The following SLC25A15 variants were observed in gnomAD, a reference collection of about 807,000 sequenced individuals.
SLC25A15 encodes the protein mitochondrial ornithine transporter 1.
Under a neutral mutation model 32.3 loss-of-function variants are expected in SLC25A15, and 24 were observed. The ratio of observed to expected loss-of-function variants is 0.74; its 90% confidence interval spans 0.54 to 1.04. The LOEUF (loss-of-function observed/expected upper bound fraction) is 1.04. Among genes scored for constraint, SLC25A15 ranks in the 50% least tolerant of loss-of-function variants. SLC25A15 has a pLI of 0.00. For synonymous variants in SLC25A15, 132 were observed against 142.1 expected (o/e 0.93, Z 0.51); for missense variants, 317 against 374.5 (o/e 0.85, Z 1.27).
At chr13:40,795,356 C>T (rs1247962513) in intron 2 of SLC25A15, among the ~76,000 whole-genome samples, 4 of 152,146 alleles carry the variant, frequency 2.6e-5, no homozygotes, top group Non-Finnish European at 5.9e-5. Context: ...TAAAAGTTTA[C>T]CTTTTCCTAT....
chr13:40,795,873 A>C (rs543356056), intron 2 of SLC25A15, among the ~76,000 whole-genome samples: 1 of 152,332 alleles, frequency 6.6e-6, no homozygotes, highest in South Asian at 2.1e-4. Flanking sequence ...ACAGAGGAGC[A>C]GTAGATTTGT....
intron 6 of SLC25A15, among the ~76,000 whole-genome samples, chr13:40,809,178 C>G (rs186760338): frequency 1.3e-5 from 2 of 152,288 alleles, no homozygotes; most frequent in South Asian, 2.1e-4. Context: ...TCTCCAACTT[C>G]AAGGTTGGTG....
At position 40,808,530 on chromosome 13, in the gene SLC25A15, G is replaced by C; in HGVS notation, c.715G>C (p.Val239Leu). Reference sequence around the variant, plus strand: ...GGATTGTATCAAATCCAGAATTCAAGTTCTTTCCATGTCTGGAAAACAGGC... The same window carrying C: ...GGATTGTATCAAATCCAGAATTCAACTTCTTTCCATGTCTGGAAAACAGGC... ...PVDCIKSRIQ[V>L]LSMSGKQAGF... Residue 239 changes from valine to leucine, a missense_variant, in exon 6 of 7, where the codon GTT (valine) becomes CTT (leucine). Val to Leu is a conservative substitution (Grantham distance 32). Coordinates refer to ENST00000338625, the MANE Select transcript of SLC25A15 (RefSeq NM_014252.4). 1.2e-6 allele frequency: 2 copies of C among 1,612,412 alleles called. No individual in the cohort carries two copies. Among genetic ancestry groups the C allele is most frequent in the Non-Finnish European group, 1.7e-6 (2 of 1,179,896 alleles).
Position 40,809,823 on chromosome 13 carries a change from G to A in SLC25A15, c.*156G>A. On this transcript the variant is annotated 3_prime_UTR_variant, in exon 7 of 7. Coordinates refer to ENST00000338625, the MANE Select transcript of SLC25A15 (RefSeq NM_014252.4). ...ACCCTACATCTTAAACTTTATGGAA[G>A]AACCTCTATTTTGCATCATATCATT... The A allele has an allele frequency of 5.6e-6, 4 of 718,526 alleles. No individual in the cohort carries two copies. The South Asian group carries it at 6.4e-5, about 12-fold the overall frequency. The allele number at this position is 718,526 out of a possible 1,614,324, so 44.5% of individuals were successfully genotyped here. A position where few individuals can be genotyped will look rare whatever the true frequency, so the allele number is the denominator to read the frequency against.
At chr13:40,809,277 T>C (rs1217824393) in intron 6 of SLC25A15, among the ~76,000 whole-genome samples, 2 of 152,218 alleles carry the variant, frequency 1.3e-5, no homozygotes, top group Admixed American at 1.3e-4. Context: ...GCCTCAGCTC[T>C]GCCCCATCCA....
At chr13:40,798,799 C>T (rs1881761132) in intron 2 of SLC25A15, 1 of 984,776 alleles carries the variant, frequency 1.0e-6, no homozygotes. Context: ...ATATTCACTG[C>T]ACTGTTTGCC....
intron 1 of SLC25A15, among the ~76,000 whole-genome samples, chr13:40,790,099 C>T (rs540086248): frequency 6.6e-6 from 1 of 152,304 alleles, no homozygotes; most frequent in South Asian, 2.1e-4. Flanking sequence ...CGCGCCTGGC[C>T]GGTCCTTGGC....
In SLC25A15 at chr13:40,809,901, AAT is replaced by A; in HGVS notation, c.*238_*239del. On this transcript the variant is annotated 3_prime_UTR_variant, in exon 7 of 7. Transcript: ENST00000338625. The stretch of plus-strand genomic sequence containing the variant: ...AAGTGACCGCTCTTGCTCTTGGTAA[AAT>A]ATAGAGTGGTCAGTAGCCTTATGCA... The A allele has an allele frequency of 1.9e-6, 1 of 530,296 alleles. No individual in the cohort carries two copies. The highest frequency in any genetic ancestry group is 3.4e-6 in the Non-Finnish European group (1 of 294,576). 32.8% of individuals were successfully genotyped at this position (530,296 alleles called of 1,614,324 possible).
chr13:40,811,633 C>T lies in SLC25A15; in HGVS notation c.*1966C>T, dbSNP rs973285347. Reference sequence around the variant, plus strand: ...TGGGGATGGACAGCTGTTCTTTGGCCATATGGTATAAGAGGATCATTCTTG... The same window carrying T: ...TGGGGATGGACAGCTGTTCTTTGGCTATATGGTATAAGAGGATCATTCTTG... On this transcript the variant is annotated 3_prime_UTR_variant, in exon 7 of 7. Coordinates refer to ENST00000338625, the MANE Select transcript of SLC25A15 (RefSeq NM_014252.4). 1.7e-4 allele frequency among the ~76,000 whole-genome samples: 26 copies of T among 152,218 alleles called. No homozygotes were observed. Among genetic ancestry groups the T allele is most frequent in the African/African-American group, 6.3e-4 (26 of 41,448 alleles).
intron 2 of SLC25A15, chr13:40,798,670 C>T (rs1294299921): frequency 1.5e-6 from 1 of 663,020 alleles, no homozygotes; most frequent in East Asian, 1.4e-4. Flanking sequence ...TTTATTTAAT[C>T]CTCACGCTAA....
chr13:40,794,078 C>T (rs1593288614), intron 2 of SLC25A15, among the ~76,000 whole-genome samples: 2 of 152,226 alleles, frequency 1.3e-5, no homozygotes, highest in African/African-American at 2.4e-5. Context: ...CAGTGGCTCA[C>T]GCCTGTAATC....
chr13:40,792,345 A>G (rs368121418), intron 1 of SLC25A15, among the ~76,000 whole-genome samples: 1 of 152,282 alleles, frequency 6.6e-6, no homozygotes, highest in African/African-American at 2.4e-5. Flanking sequence ...TCACTTGGGA[A>G]CTCATCAGAA....
chr13:40,809,465 A>G, intron 6 of SLC25A15, 78 bp from the exon 7 acceptor site: 1 of 1,557,548 alleles, frequency 6.4e-7, no homozygotes, highest in Non-Finnish European at 8.8e-7. Flanking sequence ...ATGTGTAAAT[A>G]TACCTATGCT....
chr13:40,800,185 C>T (rs562551398), intron 3 of SLC25A15, among the ~76,000 whole-genome samples: 2 of 152,292 alleles, frequency 1.3e-5, no homozygotes, highest in Admixed American at 1.3e-4. Flanking sequence ...GTTTCTTGTG[C>T]ACAGCACTGT....
chr13:40,791,598 C>T (rs1352395669), intron 1 of SLC25A15, among the ~76,000 whole-genome samples: 1 of 152,018 alleles, frequency 6.6e-6, no homozygotes, highest in Non-Finnish European at 1.5e-5. Flanking sequence ...CCTCGTGATC[C>T]TCCCACCTCA....
At chr13:40,803,577 G>A (rs1881987111) in intron 3 of SLC25A15, among the ~76,000 whole-genome samples, 1 of 152,210 alleles carries the variant, frequency 6.6e-6, no homozygotes, top group South Asian at 2.1e-4. Flanking sequence ...TACATGAGGT[G>A]AATGCTTCTG....
chr13:40,791,857 C>T (rs1332718450), intron 1 of SLC25A15, among the ~76,000 whole-genome samples: 1 of 152,118 alleles, frequency 6.6e-6, no homozygotes, highest in Non-Finnish European at 1.5e-5. Context: ...ATTGAAGTCT[C>T]GTCGTTGGCA....
chr13:40,803,479 A>G (rs960987066), intron 3 of SLC25A15, among the ~76,000 whole-genome samples: 2 of 152,166 alleles, frequency 1.3e-5, no homozygotes, highest in Admixed American at 1.3e-4. Flanking sequence ...ATGAGCCACC[A>G]CGCCTGGCCT....
At chr13:40,793,427 G>GT (rs1593288377) in intron 2 of SLC25A15, 146 bp downstream of exon 2, 1 of 775,956 alleles carries the variant, frequency 1.3e-6, no homozygotes, top group Non-Finnish European at 2.2e-6. Flanking sequence ...CTGTGTTATA[G>GT]TTGCCTGCAA....
Sources: allele counts gnomAD v4.1 joint callset (sites outside exome capture counted in the v4.1 genomes callset), GRCh38; gene constraint gnomAD v4.1.1; transcripts MANE v1.5; gene names NCBI Gene and HGNC (gene_info 2026-07-23, HGNC 2026-07-21).